COL26A1: variants seen among roughly 807,000 people sequenced by gnomAD.
The protein encoded by COL26A1 is collagen type XXVI alpha 1 chain.
A neutral mutation model predicts 59.3 loss-of-function variants in COL26A1; 41 were observed. The observed-to-expected ratio is 0.69, with a 90% confidence interval of 0.54 to 0.90. The LOEUF (loss-of-function observed/expected upper bound fraction) is 0.90, where lower values mean the gene tolerates loss of function less well. Ranked by LOEUF, COL26A1 falls within the 40% of genes least tolerant of loss-of-function variation. The pLI is 0.00. For missense variants in COL26A1, 612 were observed against 602.3 expected, an observed-to-expected ratio of 1.02 and a Z score of -0.17; for synonymous variants, 266 against 256.0, an observed-to-expected ratio of 1.04 and a Z score of -0.37.
intron 3 of COL26A1, among the ~76,000 whole-genome samples, chr7:101,480,275 G>A (rs1794127755): frequency 6.6e-6 from 1 of 152,124 alleles, no homozygotes; most frequent in East Asian, 1.9e-4. Context: ...TCTCTTCAGT[G>A]TGTCCAATAA....
rs115558649 is a variant in COL26A1 at position 101,487,624 on chromosome 7, C to T, written c.385+39837C>T. Among the ~76,000 whole-genome samples, 943 of 152,296 alleles carry T rather than the reference C, an allele frequency of 6.2e-3. 6 individuals are homozygous for T. The highest frequency in any genetic ancestry group is 0.022 in the African/African-American group (919 of 41,568). On this transcript the variant is annotated intron_variant, in intron 3 of 12. Coordinates refer to ENST00000313669, the MANE Select transcript of COL26A1 (RefSeq NM_001278563.3). ...AGGGCAGGGTCCAGGACTCTCCTCC[C>T]ACCTCTGAGATGCCGCGCTCCTGTG...
rs1293111220 is a variant in COL26A1 at position 101,489,804 on chromosome 7, T to C, written c.385+42017T>C. ...TTTCTTTCTTTCTTTCTTTCTTTCT[T>C]TCTTTCTTTCTTTCTTTCTTTCTTT... is the stretch of plus-strand genomic sequence containing the variant. On this transcript the variant is annotated intron_variant, in intron 3 of 12. Transcript: ENST00000313669. 0.058 allele frequency among the ~76,000 whole-genome samples: 127 copies of C among 2,174 alleles called. 16 individuals are homozygous for C. In the Middle Eastern group the frequency reaches 1, roughly 17 times the overall value. 1.4% of individuals were successfully genotyped at this position (2,174 alleles called of 152,430 possible).
At chr7:101,469,634 CGT>C (rs906590887) in intron 3 of COL26A1, among the ~76,000 whole-genome samples, 12 of 152,184 alleles carry the variant, frequency 7.9e-5, no homozygotes, top group African/African-American at 2.9e-4. Context: ...GGATTACAGG[CGT>C]GTGCCACCAT....
chr7:101,409,294 A>G (rs1452902361), intron 1 of COL26A1, among the ~76,000 whole-genome samples: 2 of 152,106 alleles, frequency 1.3e-5, no homozygotes, highest in Non-Finnish European at 2.9e-5. Flanking sequence ...ATGAGGGGAT[A>G]TTTTATTTGC....
intron 1 of COL26A1, among the ~76,000 whole-genome samples, chr7:101,416,586 C>T (rs1180980407): frequency 1.4e-5 from 2 of 143,670 alleles, no homozygotes; most frequent in African/African-American, 4.9e-5. Flanking sequence ...TTGCCTGTTT[C>T]TGCCTGTTTT....
intron 5 of COL26A1, among the ~76,000 whole-genome samples, chr7:101,541,213 A>G (rs1283376142): frequency 2.6e-5 from 4 of 152,164 alleles, no homozygotes; most frequent in Non-Finnish European, 4.4e-5. Flanking sequence ...ATTTTGCAGC[A>G]TTCTGCCTGG....
chr7:101,368,926 A>AACAC (rs71129616), intron 1 of COL26A1, among the ~76,000 whole-genome samples: 1 of 151,016 alleles, frequency 6.6e-6, no homozygotes, highest in Admixed American at 6.6e-5. Context: ...CCAAAAAAAA[A>AACAC]AATTCTTTTT....
At chr7:101,526,043 C>T (rs1184167018) in intron 3 of COL26A1, among the ~76,000 whole-genome samples, 1 of 151,852 alleles carries the variant, frequency 6.6e-6, no homozygotes, top group Non-Finnish European at 1.5e-5. Context: ...TTTTTCTTTT[C>T]TTTTCCTTTT....
intron 1 of COL26A1, among the ~76,000 whole-genome samples, chr7:101,406,874 C>T (rs1792140274): frequency 6.6e-6 from 1 of 152,122 alleles, no homozygotes; most frequent in South Asian, 2.1e-4. Flanking sequence ...TGCTTGAGCC[C>T]AGGAGGTTGA....
At chr7:101,454,092 A>G (rs774386852) in intron 3 of COL26A1, among the ~76,000 whole-genome samples, 9 of 152,170 alleles carry the variant, frequency 5.9e-5, no homozygotes, top group Non-Finnish European at 1.2e-4. Flanking sequence ...CCCTAAATCA[A>G]TAACTTGCAG....
intron 2 of COL26A1, among the ~76,000 whole-genome samples, chr7:101,446,154 G>C (rs1488113091): frequency 6.6e-6 from 1 of 151,866 alleles, no homozygotes; most frequent in Non-Finnish European, 1.5e-5. Context: ...ATCACCAAGG[G>C]GATGGTGCTA....
At chr7:101,363,639 CTGA>C (rs1790964512) in intron 1 of COL26A1, among the ~76,000 whole-genome samples, 2 of 150,164 alleles carry the variant, frequency 1.3e-5, no homozygotes, top group Non-Finnish European at 3.0e-5. Flanking sequence ...GTTGCGGGGG[CTGA>C]AGGTTCGGGT....
intron 3 of COL26A1, among the ~76,000 whole-genome samples, chr7:101,482,515 C>T (rs370145452): frequency 1.5e-4 from 23 of 152,148 alleles, no homozygotes; most frequent in African/African-American, 4.1e-4. Context: ...TCATATCACC[C>T]CTATCATAAT....
intron 2 of COL26A1, among the ~76,000 whole-genome samples, chr7:101,444,643 G>A (rs28521824): frequency 0.018 from 2,678 of 151,842 alleles, 44 homozygotes; most frequent in Middle Eastern, 0.048. Flanking sequence ...TTGAACTCCC[G>A]ACCTCAGGTG....
intron 1 of COL26A1, among the ~76,000 whole-genome samples, chr7:101,378,845 G>A (rs1284195922): frequency 6.6e-6 from 1 of 152,040 alleles, no homozygotes; most frequent in African/African-American, 2.4e-5. Context: ...CCTGCTTGGA[G>A]TCTTTATGAT....
chr7:101,498,346 G>A (rs1193586457), intron 3 of COL26A1, among the ~76,000 whole-genome samples: 2 of 152,130 alleles, frequency 1.3e-5, no homozygotes, highest in African/African-American at 4.8e-5. Flanking sequence ...TAAAGCCAAG[G>A]CTGCCCCTAG....
chr7:101,528,785 G>A (rs1215394587), intron 3 of COL26A1, among the ~76,000 whole-genome samples: 5 of 152,108 alleles, frequency 3.3e-5, no homozygotes, highest in African/African-American at 7.2e-5. Context: ...CCGGGCTCAA[G>A]CGATCCACCC....
chr7:101,399,210 G>T (rs1305294728), intron 1 of COL26A1, among the ~76,000 whole-genome samples: 2 of 152,088 alleles, frequency 1.3e-5, no homozygotes, highest in African/African-American at 4.8e-5. Flanking sequence ...GGAGGCTGAG[G>T]CGAGAGGATT....
chr7:101,480,284 A>G (rs1429371748), intron 3 of COL26A1, among the ~76,000 whole-genome samples: 1 of 152,110 alleles, frequency 6.6e-6, no homozygotes, highest in African/African-American at 2.4e-5. Flanking sequence ...TGTGTCCAAT[A>G]AGACTTTTTA....
Sources: gnomAD v4.1 joint callset for allele counts (sites outside exome capture counted in the v4.1 genomes callset) on GRCh38, gnomAD v4.1.1 for gene constraint, MANE v1.5 for transcripts, NCBI Gene and HGNC (gene_info 2026-07-23, HGNC 2026-07-21) for gene names.